Variants in RALGAPA1 observed in about 807,000 individuals in gnomAD.
The protein encoded by RALGAPA1 is ral GTPase-activating protein subunit alpha-1.
Under a neutral mutation model 269.6 loss-of-function variants are expected in RALGAPA1, and 52 were observed. The observed-to-expected ratio is 0.19, with a 90% confidence interval of 0.15 to 0.24. The LOEUF is 0.24. Ranked by LOEUF, RALGAPA1 falls within the 10% of genes least tolerant of loss-of-function variation. The pLI is 1.00. For missense variants in RALGAPA1, 1,917 were observed against 3,013.9 expected, an observed-to-expected ratio of 0.64 and a Z score of 8.52; for synonymous variants, 817 against 1,008.3, an observed-to-expected ratio of 0.81 and a Z score of 3.60.
chr14:35,629,963 A>G (rs1054038386), intron 33 of RALGAPA1, among the ~76,000 whole-genome samples: 4 of 151,532 alleles, frequency 2.6e-5, no homozygotes, highest in Admixed American at 1.3e-4. Flanking sequence ...CTATACCTCA[A>G]TAAACCTAAC....
chr14:35,555,354 G>A (rs1212513842), intron 39 of RALGAPA1, among the ~76,000 whole-genome samples: 2 of 151,970 alleles, frequency 1.3e-5, no homozygotes, highest in African/African-American at 4.8e-5. Context: ...AATGAATTTA[G>A]TCAAACTAAT....
intron 3 of RALGAPA1, among the ~76,000 whole-genome samples, chr14:35,774,628 C>G (rs903198380): frequency 2.6e-5 from 4 of 152,056 alleles, no homozygotes; most frequent in Admixed American, 6.6e-5. Flanking sequence ...AACAATAAAT[C>G]CCTTAGGCAC....
At chr14:35,731,028 C>T (rs1046190661) in intron 12 of RALGAPA1, among the ~76,000 whole-genome samples, 7 of 152,328 alleles carry the variant, frequency 4.6e-5, no homozygotes, top group Admixed American at 2.0e-4. Flanking sequence ...TATCCATGGC[C>T]GAGACAACCA....
intron 27 of RALGAPA1, among the ~76,000 whole-genome samples, chr14:35,662,779 T>C (rs961743340): frequency 1.3e-5 from 2 of 152,078 alleles, no homozygotes; most frequent in Non-Finnish European, 2.9e-5. Context: ...TGATGTACCT[T>C]CAGAACAGTA....
intron 37 of RALGAPA1, among the ~76,000 whole-genome samples, chr14:35,573,104 A>T (rs553707979): frequency 1.3e-5 from 2 of 152,328 alleles, no homozygotes; most frequent in South Asian, 4.1e-4. Flanking sequence ...GTTTCGTTTA[A>T]CGAATTTATT....
chr14:35,648,381 A>G (rs2062594083), intron 31 of RALGAPA1, among the ~76,000 whole-genome samples: 1 of 149,686 alleles, frequency 6.7e-6, no homozygotes, highest in South Asian at 2.1e-4. Flanking sequence ...CAGGAGAATC[A>G]CTTGAACCTA....
chr14:35,566,866 A>C (rs1040740280), intron 39 of RALGAPA1, among the ~76,000 whole-genome samples: 1 of 140,798 alleles, frequency 7.1e-6, no homozygotes, highest in African/African-American at 2.8e-5. Context: ...AACTTTGTAC[A>C]TTATATATAT....
intron 41 of RALGAPA1, chr14:35,541,938 T>TTTTTA: frequency 2.2e-6 from 2 of 891,708 alleles, no homozygotes; most frequent in Non-Finnish European, 3.2e-6. Flanking sequence ...GGAATCAAGG[T>TTTTTA]TTTTATTATG....
At chr14:35,669,933 A>G (rs558440554) in intron 26 of RALGAPA1, among the ~76,000 whole-genome samples, 22 of 152,302 alleles carry the variant, frequency 1.4e-4, no homozygotes, top group Middle Eastern at 3.4e-3. Context: ...ACACATATTC[A>G]ATAACTGACC....
chr14:35,625,521 C>G, intron 34 of RALGAPA1, 89 bp from the exon 35 acceptor site: 1 of 869,932 alleles, frequency 1.1e-6, no homozygotes, highest in Non-Finnish European at 1.7e-6. Context: ...ACTCATGCAA[C>G]TTTTCTACTT....
chr14:35,658,683 T>G (rs1166130184), intron 28 of RALGAPA1, among the ~76,000 whole-genome samples: 1 of 151,684 alleles, frequency 6.6e-6, no homozygotes, highest in African/African-American at 2.4e-5. Context: ...ACATATTCTA[T>G]TTTTAAAAAT....
chr14:35,640,361 A>G (rs934841980), intron 31 of RALGAPA1, among the ~76,000 whole-genome samples: 5 of 152,120 alleles, frequency 3.3e-5, no homozygotes, highest in Non-Finnish European at 7.3e-5. Flanking sequence ...CCACTAAGAA[A>G]AAAAGAAACA....
rs2066309887 is a variant in RALGAPA1 at position 35,689,621 on chromosome 14, G to A, written c.2790C>T (p.Tyr930=). The A allele has an allele frequency of 7.9e-7, 1 of 1,263,958 alleles. No individual in the cohort carries two copies. Among genetic ancestry groups the A allele is most frequent in the South Asian group, 3.4e-5 (1 of 29,560 alleles). The allele number at this position is 1,263,958 out of a possible 1,614,324, so 78.3% of individuals were successfully genotyped here. The change falls in exon 18 of 42, where the codon TAC becomes TAT. Residue 930 remains tyrosine, a synonymous_variant. Coordinates refer to ENST00000680220, the MANE Select transcript of RALGAPA1 (RefSeq NM_001346249.2). ...LADSAFEQIQ[Y]IDLEGDDDLL... ...GATCATCATCTCCTTCAAGGTCAAT[G>A]TACTGGATTTGTTCAAAAGCTGAAT... is the stretch of plus-strand genomic sequence containing the variant.
chr14:35,672,486 T>C (rs2064548385), intron 25 of RALGAPA1, among the ~76,000 whole-genome samples: 1 of 151,916 alleles, frequency 6.6e-6, no homozygotes, highest in South Asian at 2.1e-4. Context: ...AACCTGACTG[T>C]TGCATAACTA....
chr14:35,663,568 G>T (rs1457613660), intron 27 of RALGAPA1, among the ~76,000 whole-genome samples: 1 of 151,272 alleles, frequency 6.6e-6, no homozygotes, highest in Non-Finnish European at 1.5e-5. Flanking sequence ...AACTTCTCAG[G>T]ACTGTTAAAC....
chr14:35,735,921 T>C (rs907985729), intron 12 of RALGAPA1, among the ~76,000 whole-genome samples: 2 of 152,190 alleles, frequency 1.3e-5, no homozygotes, highest in African/African-American at 4.8e-5. Context: ...GATGGCCTTA[T>C]AGACCATTAT....
intron 10 of RALGAPA1, among the ~76,000 whole-genome samples, chr14:35,745,340 C>T (rs942166787): frequency 6.9e-4 from 105 of 152,006 alleles, no homozygotes; most frequent in African/African-American, 2.4e-3. Context: ...GTAATCAAAA[C>T]AGTATGGTAC....
At chr14:35,719,942 C>T (rs755183428) in intron 16 of RALGAPA1, among the ~76,000 whole-genome samples, 2 of 152,070 alleles carry the variant, frequency 1.3e-5, no homozygotes, top group African/African-American at 2.4e-5. Context: ...TTACTACAGA[C>T]GGGGTTTCAG....
rs1278630096 is a variant in RALGAPA1, at chr14:35,595,615, A to G, written c.7209+19T>C. On this transcript the variant is annotated intron_variant, in intron 37 of 41. Coordinates refer to ENST00000680220, the MANE Select transcript of RALGAPA1 (RefSeq NM_001346249.2). ...TCAATTATGAGCATTTTAATTTGAA[A>G]GCACTTCTCAGCACTTACTTTTTTG... 1 of 1,600,816 alleles carries G rather than the reference A, an allele frequency of 6.2e-7. No individual in the cohort carries two copies. Among genetic ancestry groups the G allele is most frequent in the African/African-American group, 1.3e-5 (1 of 74,682 alleles).
Sources: gnomAD v4.1 joint callset for allele counts (sites outside exome capture counted in the v4.1 genomes callset) on GRCh38, gnomAD v4.1.1 for gene constraint, MANE v1.5 for transcripts, NCBI Gene and HGNC (gene_info 2026-07-23, HGNC 2026-07-21) for gene names.